The following GHR variants were observed in gnomAD, a reference collection of about 807,000 sequenced individuals.
GHR encodes the protein growth hormone receptor.
In GHR, 35 loss-of-function variants were observed where a neutral mutation model predicts 67.1. The ratio of observed to expected loss-of-function variants is 0.52; its 90% CI spans 0.40 to 0.69. The LOEUF is 0.69. Among genes scored for constraint, GHR ranks in the 30% least tolerant of loss-of-function variants. The pLI, the probability that GHR is intolerant of heterozygous loss-of-function variation, is 0.00. For missense variants in GHR, 792 were observed against 764.6 expected, an observed-to-expected ratio of 1.04 and a Z score of -0.42; for synonymous variants, 272 against 269.1, an observed-to-expected ratio of 1.01 and a Z score of -0.10.
At chr5:42,455,398 C>G (rs1460821526) in intron 1 of GHR, among the ~76,000 whole-genome samples, 2 of 152,094 alleles carry the variant, frequency 1.3e-5, no homozygotes, top group Non-Finnish European at 2.9e-5. Context: ...GTATGTTAGC[C>G]CTGCCTGCTA....
rs1046191754 is a variant in GHR at position 42,452,437 on chromosome 5, C to G, written c.-12+28482C>G. 2.0e-5 allele frequency among the ~76,000 whole-genome samples: 3 copies of G among 152,128 alleles called. No homozygotes were observed. In the South Asian group the frequency reaches 6.2e-4, roughly 31 times the overall value. ...CTTTGAGCTTCCTGTATTTGGATAT[C>G]TAGGTCTCCAGCAAGGCCAGGGAAG... On this transcript the variant is annotated intron_variant, in intron 1 of 9. Coordinates refer to ENST00000230882, the MANE Select transcript of GHR (RefSeq NM_000163.5).
intron 1 of GHR, among the ~76,000 whole-genome samples, chr5:42,437,172 G>C (rs922841593): frequency 1.3e-5 from 2 of 152,142 alleles, no homozygotes; most frequent in African/African-American, 4.8e-5. Flanking sequence ...TTGGCCAAAA[G>C]GTAATCCCTT....
chr5:42,573,633 A>G (rs535982947), intron 2 of GHR, among the ~76,000 whole-genome samples: 7 of 152,236 alleles, frequency 4.6e-5, no homozygotes, highest in South Asian at 2.1e-4. Flanking sequence ...CCCAAATCCA[A>G]ATTTTCTTTG....
At chr5:42,539,885 C>G (rs1748425235) in intron 1 of GHR, among the ~76,000 whole-genome samples, 1 of 152,068 alleles carries the variant, frequency 6.6e-6, no homozygotes, top group South Asian at 2.1e-4. Flanking sequence ...GAGAATGCTT[C>G]AAAATTTCAC....
At chr5:42,616,653 C>T (rs1251868182) in intron 2 of GHR, among the ~76,000 whole-genome samples, 1 of 147,006 alleles carries the variant, frequency 6.8e-6, no homozygotes, top group Non-Finnish European at 1.5e-5. Flanking sequence ...AGCCATGAGA[C>T]TCGATGAGAT....
intron 1 of GHR, among the ~76,000 whole-genome samples, chr5:42,535,405 T>A (rs1748212271): frequency 6.6e-6 from 1 of 152,126 alleles, no homozygotes; most frequent in South Asian, 2.1e-4. Flanking sequence ...CACCATTTGT[T>A]GAAAAGGTGT....
chr5:42,471,161 C>T (rs995588657), intron 1 of GHR, among the ~76,000 whole-genome samples: 1 of 152,188 alleles, frequency 6.6e-6, no homozygotes, highest in African/African-American at 2.4e-5. Context: ...TTCCTTTTCC[C>T]TCAGATTCCT....
At chr5:42,604,237 C>G (rs965809174) in intron 2 of GHR, among the ~76,000 whole-genome samples, 2 of 152,168 alleles carry the variant, frequency 1.3e-5, no homozygotes, top group Non-Finnish European at 2.9e-5. Context: ...AAATCCTGTA[C>G]TCTTTGGCCA....
At chr5:42,467,013 CCT>C in intron 1 of GHR, 1 of 1,564,160 alleles carries the variant, frequency 6.4e-7, no homozygotes, top group Non-Finnish European at 8.7e-7. Context: ...TGAGGCTCAA[CCT>C]CTGTCTGAAG....
At chr5:42,573,800 T>G (rs138858380) in intron 2 of GHR, among the ~76,000 whole-genome samples, 2 of 152,220 alleles carry the variant, frequency 1.3e-5, no homozygotes. Context: ...TCAATTTATA[T>G]TAATAAAATC....
intron 1 of GHR, among the ~76,000 whole-genome samples, chr5:42,555,167 C>T (rs1749240565): frequency 6.6e-6 from 1 of 152,134 alleles, no homozygotes; most frequent in South Asian, 2.1e-4. Flanking sequence ...CAGGATAATG[C>T]CCCATGTCAT....
intron 1 of GHR, among the ~76,000 whole-genome samples, chr5:42,527,515 C>A (rs924896120): frequency 6.6e-6 from 1 of 152,112 alleles, no homozygotes; most frequent in African/African-American, 2.4e-5. Context: ...GACCTAACTA[C>A]CCTAAATGTA....
chr5:42,442,101 G>C (rs779151059), intron 1 of GHR, among the ~76,000 whole-genome samples: 4 of 152,116 alleles, frequency 2.6e-5, no homozygotes, highest in Non-Finnish European at 5.9e-5. Context: ...GTTTTTGTTC[G>C]ATGCCTTATA....
chr5:42,681,663 G>A (rs191361524), intron 3 of GHR, among the ~76,000 whole-genome samples: 71 of 152,312 alleles, frequency 4.7e-4, no homozygotes, highest in Admixed American at 8.5e-4. Context: ...GCGGCCGGGC[G>A]TGGTGGCTCA....
chr5:42,565,258 T>C, intron 1 of GHR, among the ~76,000 whole-genome samples: 1 of 152,180 alleles, frequency 6.6e-6, no homozygotes, highest in East Asian at 1.9e-4. Context: ...TACGACACAC[T>C]GTGTCCTTGT....
chr5:42,599,515 C>A (rs1397222915), intron 2 of GHR, among the ~76,000 whole-genome samples: 1 of 151,906 alleles, frequency 6.6e-6, no homozygotes, highest in Admixed American at 6.6e-5. Context: ...TGCCCACCAC[C>A]ACACCTGGCT....
chr5:42,509,325 T>C (rs1222495387), intron 1 of GHR, among the ~76,000 whole-genome samples: 2 of 152,210 alleles, frequency 1.3e-5, no homozygotes, highest in African/African-American at 4.8e-5. Flanking sequence ...ATTTCTTGAA[T>C]CCACTCACTT....
At chr5:42,714,909 A>G (rs1377982106) in intron 8 of GHR, among the ~76,000 whole-genome samples, 2 of 152,216 alleles carry the variant, frequency 1.3e-5, no homozygotes, top group East Asian at 3.8e-4. Flanking sequence ...CTCACGAGGT[A>G]TGTAAAGTAA....
rs545106453 is a variant in GHR at position 42,692,074 on chromosome 5, G to A, written c.267-2843G>A. Among the ~76,000 whole-genome samples the A allele has an allele frequency of 7.9e-5, 12 of 152,250 alleles. No homozygotes were observed. The South Asian group carries it at 2.3e-3, about 29-fold the overall frequency. ...ACTTCAAAAATTACCCTGGTCTTAA[G>A]AGAAATTTCATTTTCTATACAAGGT... On this transcript the variant is annotated intron_variant, in intron 4 of 9. Coordinates refer to ENST00000230882, the MANE Select transcript of GHR (RefSeq NM_000163.5).
Sources: allele counts gnomAD v4.1 joint callset (sites outside exome capture counted in the v4.1 genomes callset), GRCh38; gene constraint gnomAD v4.1.1; transcripts MANE v1.5; gene names NCBI Gene and HGNC (gene_info 2026-07-23, HGNC 2026-07-21).